Variants in TSPO observed in about 807,000 individuals in gnomAD.
The protein encoded by TSPO is benzodiazepine peripheral binding site.
TSPO carries 14 observed loss-of-function variants against 13.9 expected under a neutral mutation model. The observed-to-expected ratio is 1.01, with a 90% confidence interval of 0.67 to 1.58. The LOEUF is 1.58. Ranked by LOEUF, TSPO falls within the 40% of genes most tolerant of loss-of-function variation. The pLI is 0.00. For missense variants in TSPO, 232 were observed against 229.6 expected, an observed-to-expected ratio of 1.01 and a Z score of -0.07; for synonymous variants, 114 against 105.9, an observed-to-expected ratio of 1.08 and a Z score of -0.47.
chr22:43,160,964 C>G, intron 2 of TSPO, 88 bp from the exon 3 acceptor site: 1 of 1,487,828 alleles, frequency 6.7e-7, no homozygotes, highest in Non-Finnish European at 9.1e-7. Flanking sequence ...TGTCAGGTCA[C>G]GTATGAACCA....
At position 43,163,024 on chromosome 22, in the gene TSPO, A is replaced by G. The variant is rs778104603; in HGVS notation, c.*33A>G. The G allele has an allele frequency of 7.6e-6, 12 of 1,575,340 alleles. No homozygotes were observed. The highest frequency in any genetic ancestry group is 7.3e-5 in the Admixed American group (4 of 54,778). On this transcript the variant is annotated 3_prime_UTR_variant, in exon 4 of 4. Coordinates refer to ENST00000337554, the MANE Select transcript of TSPO (RefSeq NM_000714.6). ...GCCCACCAGGGACTGCAGCTGCACC[A>G]GCAGGTGCCATCACGCTTGTGATGT... is the stretch of plus-strand genomic sequence containing the variant.
chr22:43,158,062 C>T (rs1931310835), intron 1 of TSPO, among the ~76,000 whole-genome samples: 1 of 152,236 alleles, frequency 6.6e-6, no homozygotes, highest in African/African-American at 2.4e-5. Flanking sequence ...GGCCAGCAGC[C>T]GCCCCTTCTC....
Position 43,162,957 on chromosome 22 carries a change from A to G in TSPO, c.476A>G (p.His159Arg), listed in dbSNP as rs993999318. Residue 159 changes from histidine (H) to arginine (R), a missense_variant, in exon 4 of 4, where the codon CAT becomes CGT. By Grantham distance (29) the His-to-Arg change is conservative (BLOSUM62 0). Coordinates refer to ENST00000337554, the MANE Select transcript of TSPO (RefSeq NM_000714.6). The part of the protein sequence containing the change: ...TLNYCVWRDN[H>R]GWRGGRRLPE Reference sequence around the variant, plus strand: ...AACTACTGCGTATGGCGGGACAACCATGGCTGGCGTGGGGGACGGCGGCTG... The same window carrying G: ...AACTACTGCGTATGGCGGGACAACCGTGGCTGGCGTGGGGGACGGCGGCTG... The G allele has an allele frequency of 2.0e-5, 32 of 1,594,416 alleles. 1 individual carries two copies. Among genetic ancestry groups the G allele is most frequent in the Admixed American group, 1.7e-5 (1 of 57,498 alleles).
intron 1 of TSPO, among the ~76,000 whole-genome samples, chr22:43,157,313 G>A (rs1931283216): frequency 6.6e-6 from 1 of 151,754 alleles, no homozygotes; most frequent in African/African-American, 2.4e-5. Context: ...GGGAGGGGCG[G>A]GGCAGGAGGG....
At chr22:43,156,855 G>C (rs1201173757) in intron 1 of TSPO, among the ~76,000 whole-genome samples, 1 of 152,340 alleles carries the variant, frequency 6.6e-6, no homozygotes, top group South Asian at 2.1e-4. Flanking sequence ...CTGTGAGTGA[G>C]AGCAGGCCAT....
chr22:43,154,555 A>C (rs1156985546), intron 1 of TSPO, among the ~76,000 whole-genome samples: 1 of 151,680 alleles, frequency 6.6e-6, no homozygotes, highest in Non-Finnish European at 1.5e-5. Flanking sequence ...ACGGGGTCTC[A>C]CCATGTTGGC....
chr22:43,159,969 T>C (rs1049550384), intron 2 of TSPO, among the ~76,000 whole-genome samples: 31 of 152,266 alleles, frequency 2.0e-4, no homozygotes, highest in African/African-American at 7.0e-4. Context: ...TCTTGGTGGC[T>C]GTAGCGGGGA....
At position 43,155,270 on chromosome 22, in the gene TSPO, T is replaced by G. The variant is rs538959548; in HGVS notation, c.-30+3666T>G. 1.1e-4 allele frequency among the ~76,000 whole-genome samples: 17 copies of G among 152,236 alleles called. No homozygotes were observed. In the East Asian group the frequency reaches 3.3e-3, roughly 29 times the overall value. On this transcript the variant is annotated intron_variant, in intron 1 of 3. Transcript: ENST00000337554. Reference sequence around the variant, plus strand: ...TCAGGGAGAAGCAGCTGGTCCCCTGTGGCTGCTGTGGGGACTGAACAAGGC... The same window carrying G: ...TCAGGGAGAAGCAGCTGGTCCCCTGGGGCTGCTGTGGGGACTGAACAAGGC...
rs368933538 is a variant in TSPO, at chr22:43,154,887, G to C, written c.-30+3283G>C. Reference sequence around the variant, plus strand: ...GATTCTGCAGGGCCCGATGCTCTGTGGGGGCTGGGATGTTGCCGCGGCAGG... The same window carrying C: ...GATTCTGCAGGGCCCGATGCTCTGTCGGGGCTGGGATGTTGCCGCGGCAGG... On this transcript the variant is annotated intron_variant, in intron 1 of 3. Coordinates refer to ENST00000337554, the MANE Select transcript of TSPO (RefSeq NM_000714.6). Among the ~76,000 whole-genome samples the C allele has an allele frequency of 5.3e-5, 8 of 152,288 alleles. No homozygotes were observed. The South Asian group carries it at 1.2e-3, about 24-fold the overall frequency.
intron 1 of TSPO, among the ~76,000 whole-genome samples, chr22:43,155,446 G>A (rs1337533559): frequency 5.3e-5 from 8 of 152,218 alleles, no homozygotes; most frequent in African/African-American, 1.9e-4. Context: ...CTGTTTTGGG[G>A]GCGCTGCTCC....
Position 43,159,419 on chromosome 22 carries a change from G to A in TSPO, c.181G>A (p.Gly61Arg). The A allele has an allele frequency of 6.6e-7, 1 of 1,514,814 alleles. No individual in the cohort carries two copies. The highest frequency in any genetic ancestry group is 8.8e-7 in the Non-Finnish European group (1 of 1,131,220). 93.8% of individuals were successfully genotyped at this position (1,514,814 alleles called of 1,614,324 possible). The stretch of plus-strand genomic sequence containing the variant: ...CTGGGGCACGCTCTACTCAGCCATG[G>A]GGTAGGTGGGCGTGCACTGGCCTGG... ...PVWGTLYSAMGYGSYLVWKEL... is the reference protein window; with the variant it reads ...PVWGTLYSAMRYGSYLVWKEL... The change falls in exon 2 of 4, where the codon GGG becomes AGG. Residue 61 changes from glycine (G) to arginine (R), a missense_variant and splice_region_variant. Gly to Arg is a moderately radical substitution (Grantham distance 125). Transcript: ENST00000337554.
At chr22:43,160,615 C>G (rs1931405180) in intron 2 of TSPO, among the ~76,000 whole-genome samples, 1 of 152,190 alleles carries the variant, frequency 6.6e-6, no homozygotes, top group Non-Finnish European at 1.5e-5. Flanking sequence ...CCTGCAGTCA[C>G]AGACTGACTC....
At chr22:43,156,917 A>G (rs1406496395) in intron 1 of TSPO, among the ~76,000 whole-genome samples, 2 of 152,146 alleles carry the variant, frequency 1.3e-5, no homozygotes, top group African/African-American at 4.8e-5. Context: ...AAAGGCACGT[A>G]CAGGCACCCT....
At chr22:43,151,889 G>T (rs1333669701) in intron 1 of TSPO, 2 of 152,232 alleles carry the variant, frequency 1.3e-5, no homozygotes, top group Non-Finnish European at 2.9e-5. Flanking sequence ...TGGCCGCGTG[G>T]CTTCTCCTGC....
chr22:43,159,168 G>T, intron 1 of TSPO, 42 bp from the exon 2 acceptor site: 1 of 1,408,074 alleles, frequency 7.1e-7, no homozygotes. Context: ...CTGACCCCAT[G>T]GCCTCAGGAA....
At chr22:43,161,583 G>A (rs930254676) in intron 3 of TSPO, among the ~76,000 whole-genome samples, 2 of 152,008 alleles carry the variant, frequency 1.3e-5, no homozygotes, top group Non-Finnish European at 2.9e-5. Context: ...CACCTCCTGG[G>A]TTCAAGTGAT....
chr22:43,156,074 G>C (rs1931240950), intron 1 of TSPO, among the ~76,000 whole-genome samples: 1 of 152,248 alleles, frequency 6.6e-6, no homozygotes, highest in Non-Finnish European at 1.5e-5. Context: ...GTTTTCTGGT[G>C]GGGCAGACCC....
intron 1 of TSPO, among the ~76,000 whole-genome samples, chr22:43,155,647 G>C (rs952685589): frequency 7.9e-5 from 12 of 152,028 alleles, no homozygotes; most frequent in African/African-American, 2.9e-4. Flanking sequence ...TTCCTCCCTT[G>C]AGCTACCCCA....
chr22:43,152,431 G>A (rs1446794348), intron 1 of TSPO, among the ~76,000 whole-genome samples: 1 of 152,264 alleles, frequency 6.6e-6, no homozygotes, highest in Non-Finnish European at 1.5e-5. Flanking sequence ...GGATATCAGG[G>A]GAGGTGGTGT....
Sources: gnomAD v4.1 joint callset for allele counts (sites outside exome capture counted in the v4.1 genomes callset) on GRCh38, gnomAD v4.1.1 for gene constraint, MANE v1.5 for transcripts, NCBI Gene and HGNC (gene_info 2026-07-23, HGNC 2026-07-21) for gene names.